RALGPS1: variants seen among roughly 807,000 people sequenced by gnomAD.
RALGPS1 encodes the protein ras-specific guanine nucleotide-releasing factor RalGPS1.
RALGPS1 carries 19 observed loss-of-function variants against 78.8 expected under a neutral mutation model. That is an observed-to-expected ratio of 0.24 (90% confidence interval 0.17 to 0.35). The LOEUF (loss-of-function observed/expected upper bound fraction) is 0.35. Among genes scored for constraint, RALGPS1 ranks in the 10% least tolerant of loss-of-function variants. The probability of loss-of-function intolerance (pLI) is 1.00; values close to 1 mark genes in which losing one functional copy is unlikely to be tolerated. For missense variants in RALGPS1, 454 were observed against 688.3 expected (o/e 0.66, Z 3.81); for synonymous variants, 228 against 256.3 (o/e 0.89, Z 1.06).
At chr9:127,206,813 A>G (rs1385408487) in intron 14 of RALGPS1, among the ~76,000 whole-genome samples, 2 of 152,126 alleles carry the variant, frequency 1.3e-5, no homozygotes, top group African/African-American at 4.8e-5. Flanking sequence ...CTAGAAAATG[A>G]TGGAGTGAAG....
intron 1 of RALGPS1, among the ~76,000 whole-genome samples, chr9:126,921,939 A>G (rs776435602): frequency 1.3e-5 from 2 of 152,166 alleles, no homozygotes; most frequent in Non-Finnish European, 2.9e-5. Flanking sequence ...TGGAAGTTAT[A>G]TGAGTTACTG....
intron 10 of RALGPS1, 64 bp downstream of exon 10, chr9:127,168,836 C>A: frequency 7.3e-7 from 1 of 1,366,440 alleles, no homozygotes; most frequent in South Asian, 1.2e-5. Flanking sequence ...GTGCTCAGGT[C>A]CCTGCAAGTG....
At chr9:127,078,955 C>G (rs548056922) in intron 8 of RALGPS1, among the ~76,000 whole-genome samples, 1 of 152,306 alleles carries the variant, frequency 6.6e-6, no homozygotes, top group African/African-American at 2.4e-5. Context: ...TTATTTTTGT[C>G]TTATTTGCTA....
At chr9:127,098,058 T>C (rs1359307726) in intron 8 of RALGPS1, among the ~76,000 whole-genome samples, 1 of 152,196 alleles carries the variant, frequency 6.6e-6, no homozygotes, top group East Asian at 1.9e-4. Context: ...TTGAAGTTGT[T>C]CACCCCCCCA....
In RALGPS1 at chr9:126,962,235, G is replaced by A. The variant is rs1273148342; in HGVS notation, c.-55G>A. 2 of 1,589,668 alleles carry A rather than the reference G, an allele frequency of 1.3e-6. No homozygotes were observed. Among genetic ancestry groups the A allele is most frequent in the African/African-American group, 1.3e-5 (1 of 74,428 alleles). ...CCCTTTGCCTTGCAGGACTTCTCCA[G>A]ACAGGTTATGTTACCTGCAGAGGCT... On this transcript the variant is annotated 5_prime_UTR_variant, in exon 2 of 19. Transcript: ENST00000259351.
At chr9:126,964,583 T>C (rs1161889259) in intron 2 of RALGPS1, among the ~76,000 whole-genome samples, 1 of 136,796 alleles carries the variant, frequency 7.3e-6, no homozygotes, top group African/African-American at 2.5e-5. Context: ...AGACAGCAAC[T>C]GGTGTGGAGC....
At chr9:126,965,746 T>A in intron 2 of RALGPS1, 98 bp from the exon 3 acceptor site, 1 of 871,034 alleles carries the variant, frequency 1.1e-6, no homozygotes, top group Non-Finnish European at 1.9e-6. Flanking sequence ...TATTGTACTA[T>A]TCCATTGCTC....
intron 14 of RALGPS1, among the ~76,000 whole-genome samples, chr9:127,206,328 TA>T (rs2061929461): frequency 6.6e-6 from 1 of 152,302 alleles, no homozygotes; most frequent in South Asian, 2.1e-4. Context: ...AGGTAATTTA[TA>T]AAGGAAAGAG....
chr9:126,990,439 C>G (rs192346175), intron 4 of RALGPS1, among the ~76,000 whole-genome samples: 138 of 152,328 alleles, frequency 9.1e-4, no homozygotes, highest in African/African-American at 3.2e-3. Flanking sequence ...CTACCCACTG[C>G]TCCTAGGATG....
chr9:127,055,051 T>C (rs905572312), intron 7 of RALGPS1, among the ~76,000 whole-genome samples: 16 of 145,230 alleles, frequency 1.1e-4, no homozygotes, highest in Admixed American at 2.1e-4. Context: ...AGAAATCTCC[T>C]TGGGGAGCCT....
chr9:127,147,999 G>A (rs2058197272), intron 8 of RALGPS1, among the ~76,000 whole-genome samples: 1 of 152,228 alleles, frequency 6.6e-6, no homozygotes, highest in South Asian at 2.1e-4. Flanking sequence ...AGTGAAGTCT[G>A]TAACCTAACA....
chr9:127,153,526 T>C (rs1480099817), intron 8 of RALGPS1, among the ~76,000 whole-genome samples: 2 of 152,076 alleles, frequency 1.3e-5, no homozygotes, highest in Non-Finnish European at 2.9e-5. Context: ...CCCCTGTGTC[T>C]AGAATGTGGG....
At chr9:127,096,024 C>A (rs2053092129) in intron 8 of RALGPS1, among the ~76,000 whole-genome samples, 1 of 152,112 alleles carries the variant, frequency 6.6e-6, no homozygotes, top group African/African-American at 2.4e-5. Context: ...ATCTTCTCAC[C>A]CATTTACCTT....
At chr9:127,106,678 T>C (rs1332215065) in intron 8 of RALGPS1, among the ~76,000 whole-genome samples, 1 of 152,168 alleles carries the variant, frequency 6.6e-6, no homozygotes, top group African/African-American at 2.4e-5. Context: ...TCCTTTGAGG[T>C]GCTGCAGTGG....
intron 1 of RALGPS1, among the ~76,000 whole-genome samples, chr9:126,955,213 C>T (rs1414843507): frequency 1.3e-5 from 2 of 152,206 alleles, no homozygotes; most frequent in East Asian, 1.9e-4. Flanking sequence ...TGACTGCCTA[C>T]CTAGAATATA....
chr9:127,196,390 A>G, intron 12 of RALGPS1, 84 bp from the exon 13 acceptor site: 1 of 1,493,948 alleles, frequency 6.7e-7, no homozygotes, highest in South Asian at 1.3e-5. Context: ...CAGCTGCACC[A>G]TCTGCTCCGG....
At chr9:127,015,770 C>A (rs2044757284) in intron 4 of RALGPS1, among the ~76,000 whole-genome samples, 1 of 152,028 alleles carries the variant, frequency 6.6e-6, no homozygotes, top group Admixed American at 6.5e-5. Context: ...TCATGTATAC[C>A]ACCCATTTGT....
In RALGPS1 at chr9:127,122,499, A is replaced by C. The variant is rs2056221668; in HGVS notation, c.611-43570A>C. On this transcript the variant is annotated intron_variant, in intron 8 of 18. Coordinates refer to ENST00000259351, the MANE Select transcript of RALGPS1 (RefSeq NM_014636.3). The surrounding 1 kb of genome is among the most constrained non-coding windows in gnomAD (Gnocchi z 6.4). Reference sequence around the variant, plus strand: ...GAGGGCTCCGGCAGAGGCTGGGGCCAGGGCTGGCCAGGGGTCCTGCGGGGC... The same window carrying C: ...GAGGGCTCCGGCAGAGGCTGGGGCCCGGGCTGGCCAGGGGTCCTGCGGGGC... 2 of 152,576 alleles carry C rather than the reference A, an allele frequency of 1.3e-5. No individual in the cohort carries two copies. The highest frequency in any genetic ancestry group is 1.3e-4 in the Admixed American group (2 of 15,284). The allele number at this position is 152,576 out of a possible 1,614,324, so 9.5% of individuals were successfully genotyped here.
chr9:127,039,744 A>G (rs2047133299), intron 5 of RALGPS1, among the ~76,000 whole-genome samples: 1 of 152,152 alleles, frequency 6.6e-6, no homozygotes, highest in Non-Finnish European at 1.5e-5. Flanking sequence ...GTGCAATACA[A>G]GGAGAGTGAT....
Sources: allele counts gnomAD v4.1 joint callset (sites outside exome capture counted in the v4.1 genomes callset), GRCh38; gene constraint gnomAD v4.1.1; non-coding constraint Gnocchi (gnomAD v3.1); transcripts MANE v1.5; gene names NCBI Gene and HGNC (gene_info 2026-07-23, HGNC 2026-07-21).